Variants in RBMS3 observed in about 807,000 individuals in gnomAD.
RBMS3 encodes the protein RNA binding motif single stranded interacting protein 3.
In RBMS3, 27 loss-of-function variants were observed where a neutral mutation model predicts 66.8. That is an observed-to-expected ratio of 0.40 (90% confidence interval 0.30 to 0.56). RBMS3 has a LOEUF of 0.56. Ranked by LOEUF, RBMS3 falls within the 20% of genes least tolerant of loss-of-function variation. The pLI is 0.40. For synonymous variants in RBMS3, 188 were observed against 183.0 expected (o/e 1.03, Z -0.22); for missense variants, 513 against 549.5 (o/e 0.93, Z 0.66).
At chr3:29,813,202 A>G (rs2057777060) in intron 6 of RBMS3, among the ~76,000 whole-genome samples, 1 of 152,046 alleles carries the variant, frequency 6.6e-6, no homozygotes, top group Non-Finnish European at 1.5e-5. Context: ...TAAATTTCTT[A>G]AGGCCATTCT....
intron 3 of RBMS3, among the ~76,000 whole-genome samples, chr3:29,493,720 A>G (rs1341418041): frequency 6.6e-6 from 1 of 152,206 alleles, no homozygotes; most frequent in Non-Finnish European, 1.5e-5. Flanking sequence ...GAACCTGAGT[A>G]ACTCATGACT....
At chr3:29,556,162 T>C (rs1055152533) in intron 3 of RBMS3, among the ~76,000 whole-genome samples, 1 of 152,204 alleles carries the variant, frequency 6.6e-6, no homozygotes, top group Admixed American at 6.5e-5. Flanking sequence ...AATCATCTTT[T>C]GCTTTGAAAA....
chr3:29,639,172 A>C (rs1251413076), intron 4 of RBMS3, among the ~76,000 whole-genome samples: 1 of 151,818 alleles, frequency 6.6e-6, no homozygotes, highest in Non-Finnish European at 1.5e-5. Flanking sequence ...CTGAATTTCC[A>C]AGCGATTTAA....
intron 2 of RBMS3, among the ~76,000 whole-genome samples, chr3:29,436,382 T>A (rs2041404406): frequency 6.6e-6 from 1 of 152,190 alleles, no homozygotes; most frequent in Non-Finnish European, 1.5e-5. Flanking sequence ...TGCCTTGATT[T>A]GTGAAAAAGG....
intron 4 of RBMS3, among the ~76,000 whole-genome samples, chr3:29,645,212 G>T (rs1287045512): frequency 6.6e-6 from 1 of 152,224 alleles, no homozygotes; most frequent in Non-Finnish European, 1.5e-5. Flanking sequence ...GAACCTCTAT[G>T]TATTTACAAA....
At chr3:29,880,853 C>T (rs1000330018) in intron 7 of RBMS3, 8 of 1,520,102 alleles carry the variant, frequency 5.3e-6, no homozygotes, top group Non-Finnish European at 7.1e-6. Context: ...GACCCTTTTG[C>T]AATGAAAATC....
intron 4 of RBMS3, among the ~76,000 whole-genome samples, chr3:29,592,178 T>G (rs1175242809): frequency 6.7e-6 from 1 of 148,472 alleles, no homozygotes; most frequent in Non-Finnish European, 1.5e-5. Context: ...AGAAAATATT[T>G]TAAATTCAAA....
At chr3:29,785,318 A>G (rs914023401) in intron 6 of RBMS3, among the ~76,000 whole-genome samples, 1 of 152,134 alleles carries the variant, frequency 6.6e-6, no homozygotes, top group African/African-American at 2.4e-5. Context: ...ATAATCCACC[A>G]TTATCAAGTG....
At chr3:29,944,179 T>C in intron 11 of RBMS3, 28 bp from the exon 12 acceptor site, 1 of 1,554,540 alleles carries the variant, frequency 6.4e-7, no homozygotes. Flanking sequence ...CTTCATTGCA[T>C]TCTTTCTCAT....
At chr3:29,517,783 T>C (rs185563287) in intron 3 of RBMS3, among the ~76,000 whole-genome samples, 5 of 152,302 alleles carry the variant, frequency 3.3e-5, no homozygotes, top group African/African-American at 1.2e-4. Flanking sequence ...AGAAATCATA[T>C]AGAAGTCAAG....
chr3:29,897,388 T>A lies in RBMS3; in HGVS notation c.801T>A (p.Ser267=). Residue 267 remains serine, a synonymous_variant, in exon 9 of 15, where the codon TCT becomes TCA. Coordinates refer to ENST00000383767, the MANE Select transcript of RBMS3 (RefSeq NM_001003793.3). ...PTAAIQNGFY[S]SPYSIATNRM... is the part of the protein sequence containing the mutation. ...TGTTTTCTGTTTGCAGATTTTATTC[T>A]TCACCGTACAGTATTGCAACCAACC... is the stretch of plus-strand genomic sequence containing the variant. 1 of 1,610,652 alleles carries A rather than the reference T, an allele frequency of 6.2e-7. No homozygotes were observed. Among genetic ancestry groups the A allele is most frequent in the Non-Finnish European group, 8.5e-7 (1 of 1,177,716 alleles).
intron 3 of RBMS3, among the ~76,000 whole-genome samples, chr3:29,581,884 C>A (rs926145359): frequency 1.3e-4 from 20 of 152,110 alleles, no homozygotes; most frequent in African/African-American, 4.8e-4. Context: ...CCCCAATACA[C>A]CCCAACACAC....
At chr3:29,716,354 C>G (rs571497062) in intron 4 of RBMS3, among the ~76,000 whole-genome samples, 1 of 152,152 alleles carries the variant, frequency 6.6e-6, no homozygotes, top group East Asian at 1.9e-4. Context: ...CATTCTAAAA[C>G]AAACAACAAG....
chr3:29,892,836 TATG>T (rs1260306804), intron 8 of RBMS3, among the ~76,000 whole-genome samples: 3 of 142,962 alleles, frequency 2.1e-5, no homozygotes, highest in African/African-American at 5.4e-5. Context: ...TGTATGTATG[TATG>T]TATGTATTTA....
At chr3:29,407,475 A>G (rs565502944) in intron 1 of RBMS3, among the ~76,000 whole-genome samples, 1 of 152,342 alleles carries the variant, frequency 6.6e-6, no homozygotes, top group East Asian at 1.9e-4. Flanking sequence ...TAAAATATAC[A>G]TAGTCAAAAA....
At chr3:29,876,287 C>T (rs2059609183) in intron 7 of RBMS3, among the ~76,000 whole-genome samples, 1 of 152,096 alleles carries the variant, frequency 6.6e-6, no homozygotes, top group Non-Finnish European at 1.5e-5. Context: ...CCCTCTATCT[C>T]TTTGACCAAT....
In RBMS3 at chr3:29,441,844, C is replaced by T. The variant is rs534205617; in HGVS notation, c.248+6929C>T. 5.1e-4 allele frequency among the ~76,000 whole-genome samples: 77 copies of T among 152,280 alleles called. No individual in the cohort carries two copies. The South Asian group carries it at 0.014, about 28-fold the overall frequency. ...AAATCGGAAAACATAATTTAATCCC[C>T]TGTTTTAGCTCTCTTACTCTGACTT... On this transcript the variant is annotated intron_variant, in intron 2 of 14. Transcript: ENST00000383767.
At chr3:29,821,462 G>T (rs1277174432) in intron 6 of RBMS3, among the ~76,000 whole-genome samples, 1 of 152,092 alleles carries the variant, frequency 6.6e-6, no homozygotes, top group Non-Finnish European at 1.5e-5. Flanking sequence ...AACAAAGTGG[G>T]ACAGTAGTCA....
intron 1 of RBMS3, among the ~76,000 whole-genome samples, chr3:29,341,789 T>A (rs1473466401): frequency 2.6e-5 from 4 of 152,102 alleles, no homozygotes; most frequent in Admixed American, 2.0e-4. Flanking sequence ...AAATTATTAT[T>A]TTTCACCTCC....
Sources: allele counts gnomAD v4.1 joint callset (sites outside exome capture counted in the v4.1 genomes callset), GRCh38; gene constraint gnomAD v4.1.1; transcripts MANE v1.5; gene names NCBI Gene and HGNC (gene_info 2026-07-23, HGNC 2026-07-21).